The following MACROD2 variants were observed in gnomAD, a reference collection of about 807,000 sequenced individuals.
MACROD2 encodes the protein mono-ADP ribosylhydrolase 2.
A neutral mutation model predicts 70.4 loss-of-function variants in MACROD2; 36 were observed. The observed-to-expected ratio is 0.51, with a 90% CI of 0.39 to 0.68. The LOEUF is 0.68. Among genes scored for constraint, MACROD2 ranks in the 30% least tolerant of loss-of-function variants. The pLI, the probability that MACROD2 is intolerant of heterozygous loss-of-function variation, is 0.00. For synonymous variants in MACROD2, 172 were observed against 178.8 expected (o/e 0.96, Z 0.30); for missense variants, 496 against 538.4 (o/e 0.92, Z 0.78).
At position 15,511,008 on chromosome 20, in the gene MACROD2, A is replaced by T. The variant is rs544733463; in HGVS notation, c.645+11161A>T. On this transcript the variant is annotated intron_variant, in intron 8 of 17. Coordinates refer to ENST00000684519, the MANE Select transcript of MACROD2 (RefSeq NM_001351661.2). ...GAATAGAAGTTACTAAAACCTGGTC[A>T]GATTCACATCTGTGATTCCAGGTTA... Among the ~76,000 whole-genome samples the T allele has an allele frequency of 3.3e-5, 5 of 152,372 alleles. No individual in the cohort carries two copies. In the South Asian group the frequency reaches 1.0e-3, roughly 32 times the overall value.
chr20:14,331,302 A>T (rs980931652), intron 3 of MACROD2, among the ~76,000 whole-genome samples: 1 of 152,124 alleles, frequency 6.6e-6, no homozygotes, highest in African/African-American at 2.4e-5. Context: ...TTTTTAACCC[A>T]GAGAATGAAA....
intron 5 of MACROD2, among the ~76,000 whole-genome samples, chr20:15,030,057 G>A (rs923333651): frequency 1.4e-5 from 2 of 146,462 alleles, no homozygotes; most frequent in African/African-American, 5.1e-5. Context: ...CTCCAGCCTG[G>A]TGACAGAGCA....
At chr20:14,904,204 C>G (rs1378213060) in intron 5 of MACROD2, among the ~76,000 whole-genome samples, 2 of 152,100 alleles carry the variant, frequency 1.3e-5, no homozygotes, top group African/African-American at 2.4e-5. Flanking sequence ...GAACTAGCAA[C>G]AGTGGAATGC....
intron 6 of MACROD2, among the ~76,000 whole-genome samples, chr20:15,332,658 T>C (rs928153640): frequency 2.0e-5 from 3 of 151,616 alleles, no homozygotes; most frequent in African/African-American, 7.3e-5. Flanking sequence ...ATATATGACG[T>C]GAATATTGTT....
intron 2 of MACROD2, among the ~76,000 whole-genome samples, chr20:14,047,620 A>G (rs1305656650): frequency 6.6e-6 from 1 of 152,180 alleles, no homozygotes; most frequent in Admixed American, 6.5e-5. Context: ...ACTCATGTGT[A>G]TATCTAAAAT....
At chr20:14,579,630 A>C (rs981904009) in intron 4 of MACROD2, among the ~76,000 whole-genome samples, 3 of 152,314 alleles carry the variant, frequency 2.0e-5, no homozygotes, top group Middle Eastern at 3.4e-3. Context: ...TCTTATAAAG[A>C]TGTAATTTGA....
chr20:14,154,934 A>G (rs1451233785), intron 3 of MACROD2, among the ~76,000 whole-genome samples: 1 of 152,216 alleles, frequency 6.6e-6, no homozygotes, highest in African/African-American at 2.4e-5. Flanking sequence ...CCTTGCCAGA[A>G]TGTGAGCTCC....
chr20:15,744,633 A>G (rs1315555706), intron 8 of MACROD2, among the ~76,000 whole-genome samples: 2 of 152,040 alleles, frequency 1.3e-5, no homozygotes, highest in Non-Finnish European at 2.9e-5. Context: ...AACTGAAGAA[A>G]TGAGGATACT....
At chr20:15,291,157 T>A (rs904506083) in intron 6 of MACROD2, among the ~76,000 whole-genome samples, 1 of 152,214 alleles carries the variant, frequency 6.6e-6, no homozygotes, top group Non-Finnish European at 1.5e-5. Context: ...GCTAGCCTTT[T>A]CACTTCCATT....
At chr20:15,339,059 G>A (rs1413105077) in intron 6 of MACROD2, among the ~76,000 whole-genome samples, 1 of 151,638 alleles carries the variant, frequency 6.6e-6, no homozygotes, top group Non-Finnish European at 1.5e-5. Context: ...TAGCAAATAT[G>A]CCATAAGTAG....
chr20:15,667,525 A>G (rs1361711025), intron 8 of MACROD2, among the ~76,000 whole-genome samples: 2 of 151,634 alleles, frequency 1.3e-5, no homozygotes, highest in Non-Finnish European at 2.9e-5. Context: ...CTATCTATCT[A>G]TGAAAGCAAA....
chr20:14,215,046 A>C (rs1305849181), intron 3 of MACROD2, among the ~76,000 whole-genome samples: 1 of 147,838 alleles, frequency 6.8e-6, no homozygotes, highest in Non-Finnish European at 1.5e-5. Context: ...ATATTCCATC[A>C]TATATATATA....
chr20:14,638,644 G>A (rs970472607), intron 4 of MACROD2, among the ~76,000 whole-genome samples: 2 of 152,120 alleles, frequency 1.3e-5, no homozygotes, highest in Non-Finnish European at 2.9e-5. Context: ...ACTCCATGAG[G>A]TTGTTGTAAG....
chr20:15,979,193 T>TG (rs745334165), intron 13 of MACROD2, among the ~76,000 whole-genome samples: 17 of 152,194 alleles, frequency 1.1e-4, no homozygotes, highest in Non-Finnish European at 2.4e-4. Context: ...ACAGTTTCAC[T>TG]GGGGGCTCAA....
At chr20:14,976,013 G>T (rs1039089885) in intron 5 of MACROD2, among the ~76,000 whole-genome samples, 2 of 152,176 alleles carry the variant, frequency 1.3e-5, no homozygotes, top group African/African-American at 4.8e-5. Context: ...TCTTGGCAGA[G>T]GCCAGCATAG....
chr20:15,761,827 C>T (rs536408852), intron 8 of MACROD2, among the ~76,000 whole-genome samples: 27 of 152,336 alleles, frequency 1.8e-4, no homozygotes, highest in African/African-American at 5.1e-4. Flanking sequence ...AGCAAAGCAA[C>T]TCATTTTCCC....
chr20:14,137,784 G>A (rs565626048), intron 3 of MACROD2, among the ~76,000 whole-genome samples: 1 of 152,210 alleles, frequency 6.6e-6, no homozygotes, highest in East Asian at 1.9e-4. Context: ...AAACAAGTGG[G>A]ACTACACTAA....
intron 4 of MACROD2, among the ~76,000 whole-genome samples, chr20:14,565,653 G>A (rs541869142): frequency 1.3e-5 from 2 of 151,786 alleles, no homozygotes; most frequent in African/African-American, 4.8e-5. Flanking sequence ...CAGTGCTAAC[G>A]TAACAATGTT....
At chr20:14,719,214 A>G (rs1407878245) in intron 5 of MACROD2, among the ~76,000 whole-genome samples, 1 of 151,992 alleles carries the variant, frequency 6.6e-6, no homozygotes, top group Non-Finnish European at 1.5e-5. Flanking sequence ...CTGGCGACAG[A>G]GTGAGACTCC....
Sources: gnomAD v4.1 joint callset for allele counts (sites outside exome capture counted in the v4.1 genomes callset) on GRCh38, gnomAD v4.1.1 for gene constraint, MANE v1.5 for transcripts, NCBI Gene and HGNC (gene_info 2026-07-23, HGNC 2026-07-21) for gene names.